Variants in ARHGAP6 observed in about 807,000 individuals in gnomAD.
The protein encoded by ARHGAP6 is Rho GTPase activating protein 6, also known as rho GTPase-activating protein 6.
Under a neutral mutation model 55.7 loss-of-function variants are expected in ARHGAP6, and 16 were observed. That is an observed-to-expected ratio of 0.29 (90% CI 0.19 to 0.44). The LOEUF is 0.44. Ranked by LOEUF, ARHGAP6 falls within the 20% of genes least tolerant of loss-of-function variation. ARHGAP6 has a pLI of 1.00. For synonymous variants in ARHGAP6, 382 were observed against 360.9 expected, an observed-to-expected ratio of 1.06 and a Z score of -0.66; for missense variants, 698 against 808.9, an observed-to-expected ratio of 0.86 and a Z score of 1.66.
chrX:11,476,620 T>C (rs1230597480), intron 1 of ARHGAP6, among the ~76,000 whole-genome samples: 1 of 111,154 alleles, frequency 9.0e-6, no homozygotes, highest in Admixed American at 9.6e-5. Context: ...AGGATGATAA[T>C]TGCATGAAGA....
intron 1 of ARHGAP6, among the ~76,000 whole-genome samples, chrX:11,466,996 C>A (rs2050299939): frequency 8.9e-6 from 1 of 112,329 alleles, no homozygotes; most frequent in African/African-American, 3.2e-5. Context: ...AAGAACATTG[C>A]AGCCCTACAG....
chrX:11,168,218 A>G (rs2046042507), intron 9 of ARHGAP6, among the ~76,000 whole-genome samples: 1 of 112,349 alleles, frequency 8.9e-6, no homozygotes, highest in South Asian at 3.7e-4. Context: ...TTAACACCTG[A>G]TTAAACTTTA....
At chrX:11,155,607 G>A (rs191650817) in intron 10 of ARHGAP6, among the ~76,000 whole-genome samples, 1 of 111,888 alleles carries the variant, frequency 8.9e-6, no homozygotes, top group Non-Finnish European at 1.9e-5. Flanking sequence ...GCTTATCATT[G>A]GTTATAAGAT....
intron 1 of ARHGAP6, among the ~76,000 whole-genome samples, chrX:11,367,181 G>A (rs1316253842): frequency 8.9e-6 from 1 of 112,172 alleles, no homozygotes; most frequent in Non-Finnish European, 1.9e-5. Flanking sequence ...TGGGGTAGAA[G>A]CCAGATAGCA....
In ARHGAP6 at chrX:11,366,792, G is replaced by T. The variant is rs780751689; in HGVS notation, c.589-112085C>A. 4.5e-5 allele frequency among the ~76,000 whole-genome samples: 5 copies of T among 111,979 alleles called. No homozygotes were observed. In the East Asian group the frequency reaches 8.4e-4, roughly 19 times the overall value. On this transcript the variant is annotated intron_variant, in intron 1 of 12. Coordinates refer to ENST00000337414, the MANE Select transcript of ARHGAP6 (RefSeq NM_013427.3). ...TTCTTTCCTGTGTAACTTTACAATG[G>T]ATATCTCCTACCTGAAATAACCAAG... is the stretch of plus-strand genomic sequence containing the variant.
intron 1 of ARHGAP6, among the ~76,000 whole-genome samples, chrX:11,571,467 C>T (rs999851022): frequency 9.1e-5 from 10 of 110,473 alleles, no homozygotes; most frequent in African/African-American, 3.3e-4. Flanking sequence ...AATCTAGGTA[C>T]TGCTACGAAG....
intron 3 of ARHGAP6, among the ~76,000 whole-genome samples, chrX:11,191,946 G>A (rs143718971): frequency 0.01 from 1,151 of 111,462 alleles, 13 homozygotes; most frequent in Middle Eastern, 0.014. Context: ...TTTTCAATGT[G>A]GAAGGTCCTC....
intron 1 of ARHGAP6, among the ~76,000 whole-genome samples, chrX:11,531,606 T>C (rs1213051090): frequency 9.0e-6 from 1 of 111,054 alleles, no homozygotes; most frequent in Non-Finnish European, 1.9e-5. Context: ...TCTTTTTTTT[T>C]TTGGCTGTAA....
At chrX:11,335,708 G>A in intron 1 of ARHGAP6, 2 of 322,836 alleles carry the variant, frequency 6.2e-6, no homozygotes, top group Non-Finnish European at 1.2e-5. Flanking sequence ...GTCCCGGTAG[G>A]CACCAACTCC....
At chrX:11,191,454 G>A (rs1406074478) in intron 3 of ARHGAP6, among the ~76,000 whole-genome samples, 1 of 111,666 alleles carries the variant, frequency 9.0e-6, no homozygotes, top group Non-Finnish European at 1.9e-5. Flanking sequence ...GGCCACCCCT[G>A]CTATAAATTA....
intron 1 of ARHGAP6, among the ~76,000 whole-genome samples, chrX:11,645,703 T>C (rs1162883359): frequency 9.4e-6 from 1 of 106,858 alleles, no homozygotes; most frequent in African/African-American, 3.4e-5. Context: ...ATAAGGTTGT[T>C]GAAGACTGCA....
At chrX:11,344,805 G>A (rs1014094884) in intron 1 of ARHGAP6, among the ~76,000 whole-genome samples, 3 of 110,634 alleles carry the variant, frequency 2.7e-5, no homozygotes, top group Non-Finnish European at 5.7e-5. Context: ...AAGCTCGGTA[G>A]GTGATACAAA....
chrX:11,153,659 T>C (rs1453760156), intron 10 of ARHGAP6, among the ~76,000 whole-genome samples: 1 of 110,398 alleles, frequency 9.1e-6, no homozygotes, highest in Non-Finnish European at 1.9e-5. Context: ...CATCATTCTC[T>C]GCCTTCTGGG....
At chrX:11,427,531 C>A in intron 1 of ARHGAP6, 1 of 937,070 alleles carries the variant, frequency 1.1e-6, no homozygotes. Flanking sequence ...GTCCTCTGCA[C>A]GCGTCAGGAC....
intron 1 of ARHGAP6, among the ~76,000 whole-genome samples, chrX:11,467,757 A>G (rs2050307679): frequency 9.0e-6 from 1 of 111,092 alleles, no homozygotes; most frequent in Non-Finnish European, 1.9e-5. Context: ...AGATGGGTGA[A>G]TCGCTTGAGC....
chrX:11,345,566 AG>A (rs2147660173), intron 1 of ARHGAP6, among the ~76,000 whole-genome samples: 1 of 112,264 alleles, frequency 8.9e-6, no homozygotes, highest in South Asian at 3.7e-4. Flanking sequence ...AATACTTCAA[AG>A]AAAAATAAAG....
chrX:11,182,108 T>A lies in ARHGAP6; in HGVS notation c.1284A>T (p.Thr428=), dbSNP rs760299653. ...AGCTTCCAACTCGGAATATCCCCAC[T>A]GTCTGGAGGCCTGCAAATAAGCAAA... is the stretch of plus-strand genomic sequence containing the variant. ...CQHLEKHGLQ[T]VGIFRVGSSK... Residue 428 remains threonine, a synonymous_variant, in exon 6 of 13, where the codon ACA becomes ACT. Coordinates refer to ENST00000337414, the MANE Select transcript of ARHGAP6 (RefSeq NM_013427.3). The A allele has an allele frequency of 6.6e-6, 8 of 1,205,098 alleles. No individual in the cohort carries two copies. Among genetic ancestry groups the A allele is most frequent in the Non-Finnish European group, 9.0e-6 (8 of 891,276 alleles).
At chrX:11,339,446 C>T (rs2048677578) in intron 1 of ARHGAP6, among the ~76,000 whole-genome samples, 1 of 110,263 alleles carries the variant, frequency 9.1e-6, no homozygotes, top group Admixed American at 9.7e-5. Context: ...ACTGAGGTCC[C>T]TTAAATTTTA....
At chrX:11,641,215 TCAC>T (rs1233157641) in intron 1 of ARHGAP6, among the ~76,000 whole-genome samples, 1 of 111,434 alleles carries the variant, frequency 9.0e-6, no homozygotes, top group Non-Finnish European at 1.9e-5. Context: ...ACTTTGACAT[TCAC>T]CACATCCTTC....
Sources: allele counts gnomAD v4.1 joint callset (sites outside exome capture counted in the v4.1 genomes callset), GRCh38; gene constraint gnomAD v4.1.1; transcripts MANE v1.5; gene names NCBI Gene and HGNC (gene_info 2026-07-23, HGNC 2026-07-21).